ADAMTS9: variants seen among roughly 807,000 people sequenced by gnomAD.
ADAMTS9 encodes the protein A disintegrin and metalloproteinase with thrombospondin motifs 9.
Under a neutral mutation model 257.1 loss-of-function variants are expected in ADAMTS9, and 107 were observed. The ratio of observed to expected loss-of-function variants is 0.42; its 90% CI spans 0.36 to 0.49. The LOEUF is 0.49. Ranked by LOEUF, ADAMTS9 falls within the 20% of genes least tolerant of loss-of-function variation. ADAMTS9 has a pLI of 0.03. For synonymous variants in ADAMTS9, 982 were observed against 880.9 expected (o/e 1.11, Z -2.03); for missense variants, 2,353 against 2,469.1 (o/e 0.95, Z 1.00).
intron 21 of ADAMTS9, among the ~76,000 whole-genome samples, chr3:64,614,584 A>G (rs987966250): frequency 1.3e-5 from 2 of 152,072 alleles, no homozygotes; most frequent in African/African-American, 4.8e-5. Context: ...CGTATTTCTT[A>G]TTTCCCTTCT....
chr3:64,622,497 C>A lies in ADAMTS9; in HGVS notation c.2479G>T (p.Val827Leu). 6.2e-7 allele frequency: 1 copy of A among 1,614,134 alleles called. No homozygotes were observed. The highest frequency in any genetic ancestry group is 1.1e-5 in the South Asian group (1 of 91,086). The stretch of plus-strand genomic sequence containing the variant: ...GCAGTCTCGGACCCACTGTACTCTA[C>A]CACAGCATTCCCAATGCGAATTTCC... ...KREIRIGNAV[V>L]EYSGSETAVE... The change falls in exon 17 of 40, where the codon GTA becomes TTA. Residue 827 changes from valine (V) to leucine (L), a missense_variant. Around this residue, in one of 3 missense-constraint regions of ADAMTS9, gnomAD observed 1,402 missense variants for 1,441.4 expected, o/e 0.97. Transcript: ENST00000498707.
In ADAMTS9 at chr3:64,541,247, G is replaced by A. The variant is rs745483915; in HGVS notation, c.5388-19C>T. The A allele has an allele frequency of 6.2e-7, 1 of 1,614,138 alleles. No individual in the cohort carries two copies. The highest frequency in any genetic ancestry group is 2.2e-5 in the East Asian group (1 of 44,880). On this transcript the variant is annotated intron_variant, in intron 35 of 39. Transcript: ENST00000498707. ...GTGTAACCTAAATTATACAGAGAAT[G>A]TTCTGGTAAGGATGGGAAAGCATTT...
At chr3:64,527,992 G>C (rs1033793576) in intron 38 of ADAMTS9, among the ~76,000 whole-genome samples, 4 of 152,166 alleles carry the variant, frequency 2.6e-5, no homozygotes. Flanking sequence ...CTCTTCTATG[G>C]TAACACAACT....
At chr3:64,585,094 C>A (rs972558811) in intron 28 of ADAMTS9, among the ~76,000 whole-genome samples, 2 of 152,162 alleles carry the variant, frequency 1.3e-5, no homozygotes, top group African/African-American at 4.8e-5. Flanking sequence ...GAGAGAGGCA[C>A]CCAGTTTGAA....
At chr3:64,636,963 C>T (rs1700515345) in intron 12 of ADAMTS9, among the ~76,000 whole-genome samples, 1 of 152,170 alleles carries the variant, frequency 6.6e-6, no homozygotes, top group South Asian at 2.1e-4. Flanking sequence ...GGAGCCCAAC[C>T]CAACTCTCCC....
At chr3:64,674,605 A>G (rs562793116) in intron 3 of ADAMTS9, among the ~76,000 whole-genome samples, 1 of 152,334 alleles carries the variant, frequency 6.6e-6, no homozygotes, top group African/African-American at 2.4e-5. Flanking sequence ...ACAAGGCTGA[A>G]AGGGTCTAAG....
At chr3:64,681,398 G>A (rs201976093) in intron 2 of ADAMTS9, 35 bp from the exon 3 acceptor site, 670 of 1,579,388 alleles carry the variant, frequency 4.2e-4, no homozygotes, top group Non-Finnish European at 5.5e-4. Context: ...TTGATTTAAC[G>A]TAACTCAGTC....
intron 14 of ADAMTS9, 31 bp downstream of exon 14, chr3:64,633,441 C>T (rs756438534): frequency 6.2e-7 from 1 of 1,612,088 alleles, no homozygotes; most frequent in Admixed American, 1.7e-5. Flanking sequence ...AGCGGGAAAA[C>T]ACAGTGAAGA....
chr3:64,576,368 TG>T (rs1208043650), intron 28 of ADAMTS9, among the ~76,000 whole-genome samples: 1 of 152,208 alleles, frequency 6.6e-6, no homozygotes, highest in African/African-American at 2.4e-5. Flanking sequence ...CCTGCTCTGC[TG>T]TGAGAGTTGT....
At position 64,603,975 on chromosome 3, in the gene ADAMTS9, C is replaced by G. The variant is rs2084511506; in HGVS notation, c.3694G>C (p.Glu1232Gln). 6.2e-7 allele frequency: 1 copy of G among 1,613,966 alleles called. No individual in the cohort carries two copies. Among genetic ancestry groups the G allele is most frequent in the Non-Finnish European group, 8.5e-7 (1 of 1,180,014 alleles). ...CATLPRPVAK[E>Q]ECSVTPCGQW... ...CCACAGGGTGTCACAGAACATTCTT[C>G]CTTTGCCACTGGTCTAGGCAGGGTA... Residue 1232 changes from glutamate (E) to glutamine (Q), a missense_variant, in exon 25 of 40, where the codon GAA (glutamate) becomes CAA (glutamine). Physicochemically the swap from Glu to Gln is conservative, Grantham distance 29. Coordinates refer to ENST00000498707, the MANE Select transcript of ADAMTS9 (RefSeq NM_182920.2).
intron 16 of ADAMTS9, among the ~76,000 whole-genome samples, chr3:64,623,444 T>C (rs1002851593): frequency 1.3e-5 from 2 of 152,180 alleles, no homozygotes; most frequent in Non-Finnish European, 2.9e-5. Flanking sequence ...CCAGCCCTAG[T>C]TGAGTCTTCA....
chr3:64,686,805 A>G lies in ADAMTS9; in HGVS notation c.279T>C (p.Ser93=), dbSNP rs755847805. Residue 93 remains serine (S), a synonymous_variant, in exon 2 of 40, where the codon TCT becomes TCC. Coordinates refer to ENST00000498707, the MANE Select transcript of ADAMTS9 (RefSeq NM_182920.2). This position sits in a 1 kb window ranked among gnomAD's most constrained non-coding sequence, Gnocchi z 4.6. The part of the protein sequence containing the change: ...WPAFASSSSS[S]TSSQAHYRLS... Reference sequence around the variant, plus strand: ...GGCGGTAATGCGCCTGGGAGGAGGTAGAGGAGGAAGAGGAGGAGGCGAAGG... The same window carrying G: ...GGCGGTAATGCGCCTGGGAGGAGGTGGAGGAGGAAGAGGAGGAGGCGAAGG... 2.4e-4 allele frequency: 395 copies of G among 1,613,888 alleles called. No individual in the cohort carries two copies. Among genetic ancestry groups the G allele is most frequent in the Non-Finnish European group, 3.3e-4 (388 of 1,179,946 alleles).
chr3:64,530,379 G>T (rs1272038114), intron 38 of ADAMTS9, among the ~76,000 whole-genome samples: 1 of 151,938 alleles, frequency 6.6e-6, no homozygotes, highest in Non-Finnish European at 1.5e-5. Flanking sequence ...TGGACCACAC[G>T]GGGGAAGTCA....
rs895489378 is a variant in ADAMTS9, at chr3:64,644,636, C to T, written c.1711-2643G>A. Among the ~76,000 whole-genome samples the T allele has an allele frequency of 1.1e-4, 17 of 152,228 alleles. 1 individual carries two copies. The highest frequency in any genetic ancestry group is 8.3e-4 in the South Asian group (4 of 4,816). On this transcript the variant is annotated intron_variant, in intron 11 of 39. Coordinates refer to ENST00000498707, the MANE Select transcript of ADAMTS9 (RefSeq NM_182920.2). ...CTTTGAACTCTTTGGCTTCATTCTG[C>T]GGGGAAGTCAGACTCCATGGCTGGA...
chr3:64,519,623 G>T (rs1282815937), intron 39 of ADAMTS9, among the ~76,000 whole-genome samples: 2 of 152,110 alleles, frequency 1.3e-5, no homozygotes, highest in Non-Finnish European at 2.9e-5. Flanking sequence ...CTTTATTCTT[G>T]GCAGGCAAGG....
At chr3:64,667,955 T>A (rs1003253711) in intron 3 of ADAMTS9, among the ~76,000 whole-genome samples, 28 of 152,260 alleles carry the variant, frequency 1.8e-4, no homozygotes, top group Non-Finnish European at 3.1e-4. Context: ...TCCCAGGGCC[T>A]GTGTTTTACT....
intron 19 of ADAMTS9, among the ~76,000 whole-genome samples, chr3:64,618,888 T>G (rs1700031844): frequency 6.6e-6 from 1 of 152,184 alleles, no homozygotes; most frequent in African/African-American, 2.4e-5. Flanking sequence ...TTATAAGCAC[T>G]GTTTACATTT....
In ADAMTS9 at chr3:64,613,749, T is replaced by A. The variant is rs573796750; in HGVS notation, c.3190-240A>T. Among the ~76,000 whole-genome samples the A allele has an allele frequency of 1.4e-3, 218 of 152,314 alleles. 2 individuals are homozygous for A. The highest frequency in any genetic ancestry group is 5.1e-3 in the African/African-American group (210 of 41,564). On this transcript the variant is annotated intron_variant, in intron 21 of 39. Transcript: ENST00000498707. ...ACAAAATAAACTAAACACAGCTCCA[T>A]GCTATAAAATTTGAAAAACAACATT...
At position 64,681,345 on chromosome 3, in the gene ADAMTS9, G is replaced by T. The variant is rs769341140; in HGVS notation, c.535C>A (p.His179Asn). Residue 179 changes from histidine (H) to asparagine (N), a missense_variant, in exon 3 of 40, where the codon CAT becomes AAT. Physicochemically the swap from His to Asn is moderately conservative, Grantham distance 68. Transcript: ENST00000498707. ...GGTTCAATAAAATAATCCCCATCAT[G>T]AGACCGGAATGTGCCCAGCTGCAAA... ...CSGMLGTFRS[H>N]DGDYFIEPLQ... The T allele has an allele frequency of 6.5e-5, 105 of 1,612,660 alleles. No individual in the cohort carries two copies. Among genetic ancestry groups the T allele is most frequent in the Non-Finnish European group, 8.6e-5 (101 of 1,179,336 alleles).
Sources: allele counts gnomAD v4.1 joint callset (sites outside exome capture counted in the v4.1 genomes callset), GRCh38; gene constraint gnomAD v4.1.1; regional missense constraint gnomAD v4.1.1; non-coding constraint Gnocchi (gnomAD v3.1); transcripts MANE v1.5; gene names NCBI Gene and HGNC (gene_info 2026-07-23, HGNC 2026-07-21).